RFX7: variants seen among roughly 807,000 people sequenced by gnomAD.
The protein encoded by RFX7 is regulatory factor X7.
RFX7 carries 26 observed loss-of-function variants against 111.8 expected under a neutral mutation model. The ratio of observed to expected loss-of-function variants is 0.23; its 90% CI spans 0.17 to 0.32. The LOEUF (loss-of-function observed/expected upper bound fraction) is 0.32, where lower values mean the gene tolerates loss of function less well. RFX7 is among the 10% of genes least tolerant of loss of function. The probability of loss-of-function intolerance (pLI) is 1.00; values close to 1 mark genes in which losing one functional copy is unlikely to be tolerated. For synonymous variants in RFX7, 624 were observed against 624.4 expected (o/e 1.00, Z 0.01); for missense variants, 1,573 against 1,772.9 (o/e 0.89, Z 2.02).
intron 3 of RFX7, among the ~76,000 whole-genome samples, chr15:56,175,168 C>G (rs2042890239): frequency 6.6e-6 from 1 of 151,922 alleles, no homozygotes; most frequent in Admixed American, 6.6e-5. Context: ...CAATGGATAA[C>G]AAAAATTTTT....
chr15:56,166,282 C>A (rs890251653), intron 3 of RFX7, among the ~76,000 whole-genome samples: 5 of 152,204 alleles, frequency 3.3e-5, no homozygotes, highest in Admixed American at 3.3e-4. Context: ...TTGTTTTCAG[C>A]TGAATTCCTG....
intron 3 of RFX7, 51 bp downstream of exon 3, chr15:56,179,219 G>T: frequency 3.5e-6 from 3 of 851,916 alleles, no homozygotes; most frequent in Non-Finnish European, 5.0e-6. Flanking sequence ...ATTTTATATC[G>T]TCATAAAAAC....
In RFX7 at chr15:56,093,198, C is replaced by T. The variant is rs2041618970; in HGVS notation, c.*147G>A. On this transcript the variant is annotated 3_prime_UTR_variant, in exon 10 of 10. Transcript: ENST00000559447. ...TGTTAAGAACTGAGGCAAGTCTAAC[C>T]ATTTCCTACTGAAGAAACCACTTCT... 3 of 678,674 alleles carry T rather than the reference C, an allele frequency of 4.4e-6. No individual in the cohort carries two copies. Among genetic ancestry groups the T allele is most frequent in the Non-Finnish European group, 7.2e-6 (3 of 416,750 alleles). The allele number at this position is 678,674 out of a possible 1,614,324, so 42.0% of individuals were successfully genotyped here.
chr15:56,125,994 C>T (rs1212274623), intron 5 of RFX7, among the ~76,000 whole-genome samples: 1 of 152,030 alleles, frequency 6.6e-6, no homozygotes, highest in African/African-American at 2.4e-5. Flanking sequence ...TTTTTACAGA[C>T]CATAACAAAG....
intron 3 of RFX7, among the ~76,000 whole-genome samples, chr15:56,151,541 C>G (rs978695826): frequency 6.6e-6 from 1 of 152,164 alleles, no homozygotes; most frequent in Admixed American, 6.5e-5. Flanking sequence ...ACCTGCCTTA[C>G]AAGAGGTCCT....
chr15:56,213,642 G>A (rs1432029756), intron 2 of RFX7, among the ~76,000 whole-genome samples: 14 of 152,086 alleles, frequency 9.2e-5, no homozygotes, highest in Admixed American at 5.9e-4. Context: ...AGTGTATGAC[G>A]CTACAGATTT....
chr15:56,167,662 T>A (rs1489159940), intron 3 of RFX7, among the ~76,000 whole-genome samples: 1 of 152,230 alleles, frequency 6.6e-6, no homozygotes, highest in Admixed American at 6.5e-5. Context: ...CAAAAAAATC[T>A]ATTCATATTT....
At chr15:56,116,132 G>A (rs1311362577) in intron 5 of RFX7, among the ~76,000 whole-genome samples, 1 of 152,104 alleles carries the variant, frequency 6.6e-6, no homozygotes, top group Non-Finnish European at 1.5e-5. Flanking sequence ...TTATTCAATA[G>A]TTGGGAACAT....
intron 2 of RFX7, among the ~76,000 whole-genome samples, chr15:56,235,679 G>T (rs1464080776): frequency 6.6e-6 from 1 of 152,144 alleles, no homozygotes. Flanking sequence ...AAGAAAAAGG[G>T]TGGCAATTAT....
rs1346452500 is a variant in RFX7, at chr15:56,172,780, G to A, written c.195+6490C>T. ...TGAAACAGGTTTAGTGGAGAATAGT[G>A]GAAAATAAATCACTAAAGAAAAAGA... On this transcript the variant is annotated intron_variant, in intron 3 of 9. Coordinates refer to ENST00000559447, the MANE Select transcript of RFX7 (RefSeq NM_022841.7). Among the ~76,000 whole-genome samples the A allele has an allele frequency of 2.0e-5, 3 of 152,004 alleles. No individual in the cohort carries two copies. In the East Asian group the frequency reaches 5.8e-4, roughly 29 times the overall value.
At position 56,133,761 on chromosome 15, in the gene RFX7, T is replaced by G. The variant is rs925302391; in HGVS notation, c.401+9017A>C. 3.3e-5 allele frequency among the ~76,000 whole-genome samples: 5 copies of G among 152,144 alleles called. No homozygotes were observed. In the South Asian group the frequency reaches 8.3e-4, roughly 25 times the overall value. On this transcript the variant is annotated intron_variant, in intron 5 of 9. Coordinates refer to ENST00000559447, the MANE Select transcript of RFX7 (RefSeq NM_022841.7). The stretch of plus-strand genomic sequence containing the variant: ...TCTACATTTTGCCTTTCTGTAGTGT[T>G]TCTACCTTTTTTATCTCTTTCAAAT...
intron 2 of RFX7, among the ~76,000 whole-genome samples, chr15:56,186,504 T>C (rs1286003882): frequency 6.6e-6 from 1 of 152,118 alleles, no homozygotes; most frequent in African/African-American, 2.4e-5. Flanking sequence ...TCTGTATATA[T>C]CTTATCAAAA....
At chr15:56,103,961 A>G (rs11632218) in intron 5 of RFX7, among the ~76,000 whole-genome samples, 48,920 of 152,094 alleles carry the variant, frequency 0.32, 8,890 homozygotes, top group Middle Eastern at 0.45. Context: ...AGTGCTCATA[A>G]ATGAATATAT....
At position 56,109,191 on chromosome 15, in the gene RFX7, G is replaced by A. The variant is rs866814512; in HGVS notation, c.402-5521C>T. ...CTGCCGAGTGCCTGCGATTGCAGGC[G>A]CGCGCCGCCACGCCTGACTGGTTTT... On this transcript the variant is annotated intron_variant, in intron 5 of 9. Coordinates refer to ENST00000559447, the MANE Select transcript of RFX7 (RefSeq NM_022841.7). Among the ~76,000 whole-genome samples, 69 of 152,322 alleles carry A rather than the reference G, an allele frequency of 4.5e-4. No homozygotes were observed. The Middle Eastern group carries it at 0.014, about 30-fold the overall frequency.
chr15:56,176,484 T>C (rs1214411714), intron 3 of RFX7, among the ~76,000 whole-genome samples: 3 of 152,276 alleles, frequency 2.0e-5, no homozygotes, highest in Non-Finnish European at 2.9e-5. Flanking sequence ...ATATAATTAA[T>C]GGCTGATGTC....
At chr15:56,137,232 A>G (rs2042316362) in intron 5 of RFX7, among the ~76,000 whole-genome samples, 1 of 152,114 alleles carries the variant, frequency 6.6e-6, no homozygotes, top group African/African-American at 2.4e-5. Context: ...TCGGCTGTGC[A>G]TCCATCTGGT....
At chr15:56,239,268 T>C (rs2043659947) in intron 2 of RFX7, among the ~76,000 whole-genome samples, 1 of 149,844 alleles carries the variant, frequency 6.7e-6, no homozygotes, top group Non-Finnish European at 1.5e-5. Context: ...TGAAGGTAAT[T>C]TTTATACAAT....
chr15:56,137,490 T>A (rs1400340402), intron 5 of RFX7, among the ~76,000 whole-genome samples: 1 of 152,220 alleles, frequency 6.6e-6, no homozygotes, highest in Admixed American at 6.5e-5. Flanking sequence ...ATTGCATCTA[T>A]TCGATTCTTC....
intron 3 of RFX7, among the ~76,000 whole-genome samples, chr15:56,147,737 C>A (rs544778614): frequency 1.3e-5 from 2 of 152,206 alleles, no homozygotes; most frequent in South Asian, 4.1e-4. Context: ...CCAGGCCCAG[C>A]CAATTTTTTG....
Sources: allele counts gnomAD v4.1 joint callset (sites outside exome capture counted in the v4.1 genomes callset), GRCh38; gene constraint gnomAD v4.1.1; transcripts MANE v1.5; gene names NCBI Gene and HGNC (gene_info 2026-07-23, HGNC 2026-07-21).